CUX2: variants seen among roughly 807,000 people sequenced by gnomAD.
CUX2 encodes the protein cut like homeobox 2, also known as homeobox protein cut-like 2.
In CUX2, 40 loss-of-function variants were observed where a neutral mutation model predicts 144.8. The observed-to-expected ratio is 0.28, with a 90% confidence interval of 0.21 to 0.36. The LOEUF is 0.36. CUX2 is among the 10% of genes least tolerant of loss of function. The pLI is 1.00. For synonymous variants in CUX2, 827 were observed against 875.6 expected (o/e 0.94, Z 0.98); for missense variants, 1,615 against 1,994.0 (o/e 0.81, Z 3.62).
At chr12:111,306,897 C>G (rs1886611611) in intron 10 of CUX2, 24 bp from the exon 11 acceptor site, 5 of 1,564,080 alleles carry the variant, frequency 3.2e-6, no homozygotes, top group Non-Finnish European at 4.3e-6. Flanking sequence ...CCTCTCAGCC[C>G]CTCAAAGACC....
At chr12:111,044,656 G>C (rs1869912963) in intron 1 of CUX2, among the ~76,000 whole-genome samples, 1 of 152,134 alleles carries the variant, frequency 6.6e-6, no homozygotes, top group African/African-American at 2.4e-5. Context: ...TTGTTCATTT[G>C]TTTACTGTCT....
rs143775872 is a variant in CUX2 at position 111,232,188 on chromosome 12, G to A, written c.222+14251G>A. On this transcript the variant is annotated intron_variant, in intron 3 of 21. Coordinates refer to ENST00000261726, the MANE Select transcript of CUX2 (RefSeq NM_015267.4). ...GCCACTGCACTCCAGCCTGGTGACA[G>A]AGTGAGACTCCATCTGAAAAAAAAA... Among the ~76,000 whole-genome samples, 3 of 148,978 alleles carry A rather than the reference G, an allele frequency of 2.0e-5. No homozygotes were observed. The East Asian group carries it at 6.0e-4, about 30-fold the overall frequency.
At chr12:111,232,282 G>A (rs897930339) in intron 3 of CUX2, among the ~76,000 whole-genome samples, 1 of 152,056 alleles carries the variant, frequency 6.6e-6, no homozygotes, top group African/African-American at 2.4e-5. Flanking sequence ...TTGGGAGGCT[G>A]AGGCAGGAGG....
At chr12:111,305,093 A>G (rs1431644654) in intron 10 of CUX2, among the ~76,000 whole-genome samples, 2 of 152,168 alleles carry the variant, frequency 1.3e-5, no homozygotes, top group Non-Finnish European at 2.9e-5. Context: ...TTGGGGTCCT[A>G]GTGTCATTTC....
intron 1 of CUX2, among the ~76,000 whole-genome samples, chr12:111,143,392 C>T (rs1200368545): frequency 6.6e-6 from 1 of 152,198 alleles, no homozygotes; most frequent in Non-Finnish European, 1.5e-5. Flanking sequence ...TTTCACAGAG[C>T]CCTGTCATTC....
intron 8 of CUX2, among the ~76,000 whole-genome samples, chr12:111,297,565 G>A (rs979780985): frequency 6.6e-6 from 1 of 152,166 alleles, no homozygotes; most frequent in South Asian, 2.1e-4. Context: ...CCGCTCCCCA[G>A]CTCCACACTC....
Position 111,201,512 on chromosome 12 carries a change from C to A in CUX2, c.64-12688C>A, listed in dbSNP as rs78042442. Among the ~76,000 whole-genome samples, 15 of 152,348 alleles carry A rather than the reference C, an allele frequency of 9.8e-5. No homozygotes were observed. The South Asian group carries it at 3.1e-3, about 32-fold the overall frequency. On this transcript the variant is annotated intron_variant, in intron 1 of 21. Transcript: ENST00000261726. ...CTCTAGTGCCTTCCCCCAGGCCCCA[C>A]GTGCCCTTAGGCGCAGCTCTCTCCA...
rs763728829 is a variant in CUX2 at position 111,316,424 on chromosome 12, G to A, written c.2003-3588G>A. 6.2e-5 allele frequency among the ~76,000 whole-genome samples: 9 copies of A among 144,884 alleles called. No homozygotes were observed. In the East Asian group the frequency reaches 1.2e-3, roughly 20 times the overall value. ...ACCTCCCAAAATGCTGGGATTACAC[G>A]CTTGAGCCACCGCGCCCGGCACTTC... is the stretch of plus-strand genomic sequence containing the variant. On this transcript the variant is annotated intron_variant, in intron 16 of 21. Coordinates refer to ENST00000261726, the MANE Select transcript of CUX2 (RefSeq NM_015267.4).
intron 1 of CUX2, among the ~76,000 whole-genome samples, chr12:111,146,071 G>A (rs1265709304): frequency 6.6e-6 from 1 of 152,074 alleles, no homozygotes; most frequent in African/African-American, 2.4e-5. Context: ...AAATTGAGCA[G>A]AGCATATAGA....
intron 1 of CUX2, among the ~76,000 whole-genome samples, chr12:111,054,512 A>G (rs1481114302): frequency 6.6e-6 from 1 of 152,184 alleles, no homozygotes; most frequent in African/African-American, 2.4e-5. Context: ...ATTTTTTTAA[A>G]TTTTATTTTT....
chr12:111,235,772 C>G (rs575607351), intron 3 of CUX2, among the ~76,000 whole-genome samples: 8 of 150,202 alleles, frequency 5.3e-5, no homozygotes, highest in Non-Finnish European at 8.9e-5. Flanking sequence ...CCTGGGACAG[C>G]GACAGAGGAG....
At chr12:111,318,076 ATTG>A (rs888616487) in intron 16 of CUX2, among the ~76,000 whole-genome samples, 6 of 151,072 alleles carry the variant, frequency 4.0e-5, no homozygotes, top group East Asian at 2.0e-4. Context: ...TGTTGTTGTT[ATTG>A]TTGTTGTTTT....
chr12:111,322,115 C>T lies in CUX2; in HGVS notation c.2767-306C>T, dbSNP rs533151539. 3.3e-5 allele frequency among the ~76,000 whole-genome samples: 5 copies of T among 151,820 alleles called. No homozygotes were observed. The highest frequency in any genetic ancestry group is 1.2e-4 in the African/African-American group (5 of 41,386). ...GGTGGATCACTTGAGGTCAGGAGTT[C>T]GAAACCAGCCTGGCCAATGTGGCAA... On this transcript the variant is annotated intron_variant, in intron 17 of 21. Transcript: ENST00000261726. This position sits in a 1 kb window ranked among gnomAD's most constrained non-coding sequence, Gnocchi z 4.2.
intron 1 of CUX2, among the ~76,000 whole-genome samples, chr12:111,099,258 G>A (rs1160445818): frequency 6.6e-6 from 1 of 152,234 alleles, no homozygotes; most frequent in Non-Finnish European, 1.5e-5. Context: ...AGGCTCGGAG[G>A]TGGGCTTTGT....
intron 1 of CUX2, among the ~76,000 whole-genome samples, chr12:111,056,636 T>A (rs1029239964): frequency 6.6e-6 from 1 of 152,190 alleles, no homozygotes; most frequent in African/African-American, 2.4e-5. Flanking sequence ...ATCACTTCCA[T>A]CTACTCTGCT....
intron 1 of CUX2, among the ~76,000 whole-genome samples, chr12:111,144,359 G>C (rs1268306181): frequency 2.6e-5 from 4 of 152,158 alleles, no homozygotes; most frequent in Non-Finnish European, 5.9e-5. Flanking sequence ...GTAAAACCCT[G>C]CTTTTCCTCC....
intron 1 of CUX2, among the ~76,000 whole-genome samples, chr12:111,121,759 G>A (rs1054856505): frequency 1.3e-5 from 2 of 151,968 alleles, no homozygotes; most frequent in African/African-American, 4.8e-5. Flanking sequence ...AAATATGACT[G>A]TATAAGTTAT....
At chr12:111,251,318 A>G (rs73414579) in intron 3 of CUX2, among the ~76,000 whole-genome samples, 2,424 of 152,294 alleles carry the variant, frequency 0.016, 71 homozygotes, top group African/African-American at 0.053. Context: ...CCCCCAGAAG[A>G]GAGAGAACGA....
chr12:111,124,355 T>C (rs932886491), intron 1 of CUX2, among the ~76,000 whole-genome samples: 54 of 152,188 alleles, frequency 3.5e-4, no homozygotes, highest in Admixed American at 1.4e-3. Flanking sequence ...AGAAACAGGA[T>C]TGAACAAAAA....
Sources: gnomAD v4.1 joint callset for allele counts (sites outside exome capture counted in the v4.1 genomes callset) on GRCh38, gnomAD v4.1.1 for gene constraint, Gnocchi (gnomAD v3.1) non-coding constraint, MANE v1.5 for transcripts, NCBI Gene and HGNC (gene_info 2026-07-23, HGNC 2026-07-21) for gene names.